Variants in SOX6 observed in about 807,000 individuals in gnomAD.
SOX6 encodes SRY-box transcription factor 6, also known as transcription factor SOX-6.
In SOX6, 11 loss-of-function variants were observed where a neutral mutation model predicts 97.8. The ratio of observed to expected loss-of-function variants is 0.11; its 90% confidence interval spans 0.07 to 0.19. The LOEUF is 0.19. Ranked by LOEUF, SOX6 falls within the 10% of genes least tolerant of loss-of-function variation. SOX6 has a pLI of 1.00. For missense variants in SOX6, 810 were observed against 1,039.5 expected (o/e 0.78, Z 3.04); for synonymous variants, 360 against 371.4 (o/e 0.97, Z 0.35).
intron 1 of SOX6, among the ~76,000 whole-genome samples, chr11:16,428,196 G>A (rs1167563421): frequency 6.6e-6 from 1 of 151,900 alleles, no homozygotes; most frequent in African/African-American, 2.4e-5. Context: ...TTGTAAATTT[G>A]TTTGAGTTCA....
rs1032393553 is a variant in SOX6 at position 16,509,049 on chromosome 11, A to G, written n.610-32661T>C. ...AATACATTAAAAACTGGTAATAGACATGGCTTCCAGGGAGAGAACCTGAGA... is the reference window on the plus strand; with the variant it reads ...AATACATTAAAAACTGGTAATAGACGTGGCTTCCAGGGAGAGAACCTGAGA... On this transcript the variant is annotated intron_variant and non_coding_transcript_variant, in intron 4 of 5. Transcript: ENST00000524520. Among the ~76,000 whole-genome samples the G allele has an allele frequency of 3.3e-5, 5 of 152,090 alleles. 1 individual carries two copies. The highest frequency in any genetic ancestry group is 6.6e-5 in the Admixed American group (1 of 15,262).
intron 12 of SOX6, among the ~76,000 whole-genome samples, chr11:16,024,923 A>G (rs1020278591): frequency 6.6e-6 from 1 of 152,122 alleles, no homozygotes; most frequent in African/African-American, 2.4e-5. Context: ...CCCGGCAAGG[A>G]CAGCATCCTA....
intron 1 of SOX6, among the ~76,000 whole-genome samples, chr11:16,349,707 AGGAAGGAAGAAGGAAGGAAG>A (rs1340114147): frequency 1.4e-4 from 5 of 36,518 alleles, no homozygotes; most frequent in South Asian, 1.5e-3. Flanking sequence ...GAAGGAAGGA[AGGAAGGAAGAAGGAAGGAAG>A]GAAGGAAGGA....
chr11:16,638,385 T>C (rs890149969), intron 3 of SOX6, among the ~76,000 whole-genome samples: 6 of 152,294 alleles, frequency 3.9e-5, no homozygotes, highest in African/African-American at 1.2e-4. Flanking sequence ...TGTGTCTTTA[T>C]AGCAGCATGA....
At chr11:16,238,451 C>A (rs1446608848) in intron 3 of SOX6, among the ~76,000 whole-genome samples, 1 of 151,868 alleles carries the variant, frequency 6.6e-6, no homozygotes, top group Non-Finnish European at 1.5e-5. Flanking sequence ...GTAATGTTTT[C>A]GCTAATTAAC....
rs1247349237 is a variant in SOX6, at chr11:16,341,188, T to C, written c.61A>G (p.Thr21Ala). Residue 21 changes from threonine to alanine, a missense_variant, in exon 2 of 16, where the codon ACC becomes GCC. Thr to Ala is a moderately conservative substitution (Grantham distance 58, BLOSUM62 0). Coordinates refer to ENST00000683767, the MANE Select transcript of SOX6 (RefSeq NM_001367873.1). ...ACAADGEDAM[T>A]QDLTSREKEE... Reference sequence around the variant, plus strand: ...TTTTCCCTTGAGGTTAAATCCTGGGTCATTGCATCCTCTCCATCAGCTGCA... The same window carrying C: ...TTTTCCCTTGAGGTTAAATCCTGGGCCATTGCATCCTCTCCATCAGCTGCA... The C allele has an allele frequency of 1.2e-6, 2 of 1,613,430 alleles. No individual in the cohort carries two copies. Among genetic ancestry groups the C allele is most frequent in the African/African-American group, 2.7e-5 (2 of 74,874 alleles).
intron 3 of SOX6, among the ~76,000 whole-genome samples, chr11:16,683,031 T>C (rs1847940686): frequency 6.6e-6 from 1 of 152,156 alleles, no homozygotes; most frequent in African/African-American, 2.4e-5. Context: ...TTACAAGGGA[T>C]GTGAAGGACC....
At chr11:16,582,560 CAA>C (rs1378139112) in intron 4 of SOX6, among the ~76,000 whole-genome samples, 3 of 151,344 alleles carry the variant, frequency 2.0e-5, no homozygotes. Flanking sequence ...GCATGCTCAA[CAA>C]AGTTTCTAAT....
intron 3 of SOX6, chr11:16,316,933 T>C (rs919795030): frequency 6.6e-6 from 1 of 152,034 alleles, no homozygotes; most frequent in African/African-American, 2.4e-5. Flanking sequence ...CTCCAGAACA[T>C]ACTTGTTCAT....
chr11:16,416,339 G>A (rs1858926256), intron 1 of SOX6, among the ~76,000 whole-genome samples: 1 of 152,168 alleles, frequency 6.6e-6, no homozygotes, highest in African/African-American at 2.4e-5. Context: ...GATAGGCACA[G>A]AATTTTCCAA....
chr11:16,228,812 A>T (rs1430845965), intron 4 of SOX6, among the ~76,000 whole-genome samples: 1 of 152,058 alleles, frequency 6.6e-6, no homozygotes, highest in Non-Finnish European at 1.5e-5. Flanking sequence ...ATTAGGCATG[A>T]CTCAGGTACA....
At chr11:16,197,922 C>T (rs12271920) in intron 4 of SOX6, among the ~76,000 whole-genome samples, 30,240 of 152,160 alleles carry the variant, frequency 0.2, 3,949 homozygotes, top group Admixed American at 0.3. Flanking sequence ...AGTTAATATA[C>T]ATTTGTTCAA....
intron 4 of SOX6, among the ~76,000 whole-genome samples, chr11:16,231,290 G>C (rs1348902594): frequency 2.0e-5 from 3 of 151,638 alleles, no homozygotes; most frequent in South Asian, 4.1e-4. Context: ...AAAACACTGA[G>C]AACTGGACAA....
intron 3 of SOX6, among the ~76,000 whole-genome samples, chr11:16,238,773 T>C (rs1243209066): frequency 1.3e-5 from 2 of 152,110 alleles, no homozygotes; most frequent in Non-Finnish European, 2.9e-5. Context: ...ATATTTAAAC[T>C]TAGAAATGCT....
At chr11:16,660,236 A>G (rs575106417) in intron 3 of SOX6, among the ~76,000 whole-genome samples, 2 of 152,238 alleles carry the variant, frequency 1.3e-5, no homozygotes, top group African/African-American at 2.4e-5. Context: ...CTTTTTTAAT[A>G]TATGCATTTA....
intron 4 of SOX6, among the ~76,000 whole-genome samples, chr11:16,190,879 T>C (rs1851613077): frequency 6.6e-6 from 1 of 152,198 alleles, no homozygotes; most frequent in African/African-American, 2.4e-5. Flanking sequence ...TTAAGACCTA[T>C]AATGCAGATT....
chr11:16,385,165 A>T (rs1237251898), intron 1 of SOX6, among the ~76,000 whole-genome samples: 1 of 152,092 alleles, frequency 6.6e-6, no homozygotes, highest in Non-Finnish European at 1.5e-5. Flanking sequence ...ACAGTCACAC[A>T]GTTAATCTGT....
At chr11:16,168,734 C>A (rs904202532) in intron 6 of SOX6, among the ~76,000 whole-genome samples, 14 of 152,104 alleles carry the variant, frequency 9.2e-5, no homozygotes, top group Admixed American at 9.2e-4. Flanking sequence ...GTACACAAGG[C>A]TCAGACACTT....
chr11:16,647,038 A>G (rs1849025196), intron 3 of SOX6, among the ~76,000 whole-genome samples: 1 of 152,132 alleles, frequency 6.6e-6, no homozygotes, highest in Non-Finnish European at 1.5e-5. Flanking sequence ...CTGCATCCAC[A>G]CCAACATTTA....
Sources: allele counts gnomAD v4.1 joint callset (sites outside exome capture counted in the v4.1 genomes callset), GRCh38; gene constraint gnomAD v4.1.1; transcripts MANE v1.5; gene names NCBI Gene and HGNC (gene_info 2026-07-23, HGNC 2026-07-21).